HCN1: variants seen among roughly 807,000 people sequenced by gnomAD.
HCN1 encodes hyperpolarization activated cyclic nucleotide gated potassium channel 1.
HCN1 carries 13 observed loss-of-function variants against 78.9 expected under a neutral mutation model. That is an observed-to-expected ratio of 0.16 (90% CI 0.11 to 0.26). The LOEUF (loss-of-function observed/expected upper bound fraction) is 0.26. HCN1 is among the 10% of genes least tolerant of loss of function. HCN1 has a pLI of 1.00. For synonymous variants in HCN1, 552 were observed against 455.5 expected, an observed-to-expected ratio of 1.21 and a Z score of -2.70; for missense variants, 810 against 1,154.3, an observed-to-expected ratio of 0.70 and a Z score of 4.32.
intron 1 of HCN1, among the ~76,000 whole-genome samples, chr5:45,681,005 C>G (rs1739692210): frequency 1.3e-5 from 2 of 152,026 alleles, no homozygotes; most frequent in Non-Finnish European, 2.9e-5. Flanking sequence ...TCTGGTATGT[C>G]AAGTTTTTCC....
chr5:45,258,031 T>G lies in HCN1; in HGVS notation c.*3890A>C, dbSNP rs1480467211. 1 of 151,914 alleles carries G rather than the reference T, an allele frequency of 6.6e-6. No homozygotes were observed. The highest frequency in any genetic ancestry group is 1.5e-5 in the Non-Finnish European group (1 of 68,006). The allele number at this position is 151,914 out of a possible 1,614,324, so 9.4% of individuals were successfully genotyped here. On this transcript the variant is annotated 3_prime_UTR_variant, in exon 8 of 8. Transcript: ENST00000303230. ...CATATGAACAAAATAACCACATGGG[T>G]TTTATGGCACATGTTCTAAAAAGAT...
At chr5:45,514,335 T>C (rs1000041570) in intron 2 of HCN1, among the ~76,000 whole-genome samples, 1 of 152,144 alleles carries the variant, frequency 6.6e-6, no homozygotes, top group Non-Finnish European at 1.5e-5. Flanking sequence ...TCATCCCTTA[T>C]GTGAATCATG....
At chr5:45,334,610 A>G (rs532300820) in intron 5 of HCN1, among the ~76,000 whole-genome samples, 1 of 151,876 alleles carries the variant, frequency 6.6e-6, no homozygotes, top group South Asian at 2.1e-4. Flanking sequence ...ACATCTTACA[A>G]TTTACTTTCC....
chr5:45,323,671 C>T (rs994918319), intron 5 of HCN1, among the ~76,000 whole-genome samples: 1 of 151,768 alleles, frequency 6.6e-6, no homozygotes, highest in Non-Finnish European at 1.5e-5. Context: ...CCCATTAACT[C>T]GTCATTTAGC....
intron 5 of HCN1, among the ~76,000 whole-genome samples, chr5:45,322,248 AC>A (rs1456997823): frequency 1.3e-5 from 2 of 151,824 alleles, no homozygotes; most frequent in Non-Finnish European, 2.9e-5. Context: ...GCTGTCCTAA[AC>A]CCATTGAAAT....
At chr5:45,329,310 CT>C (rs1746300247) in intron 5 of HCN1, among the ~76,000 whole-genome samples, 1 of 151,482 alleles carries the variant, frequency 6.6e-6, no homozygotes, top group African/African-American at 2.4e-5. Flanking sequence ...CTTTCTGTGT[CT>C]GTCAATTTGC....
intron 6 of HCN1, among the ~76,000 whole-genome samples, chr5:45,282,090 AT>A (rs1393061907): frequency 5.9e-5 from 9 of 152,234 alleles, no homozygotes; most frequent in African/African-American, 1.9e-4. Context: ...ACTATCAAAT[AT>A]CATTAATAAA....
At chr5:45,466,620 T>C (rs1016964765) in intron 2 of HCN1, among the ~76,000 whole-genome samples, 2 of 151,388 alleles carry the variant, frequency 1.3e-5, no homozygotes, top group African/African-American at 2.5e-5. Flanking sequence ...CATACCATCC[T>C]GACACAAAAT....
chr5:45,459,429 T>A, intron 3 of HCN1, among the ~76,000 whole-genome samples: 1 of 142,882 alleles, frequency 7.0e-6, no homozygotes. Flanking sequence ...AAGAAGTGAA[T>A]TGCAAATTCT....
intron 2 of HCN1, among the ~76,000 whole-genome samples, chr5:45,571,996 T>C (rs1743846670): frequency 6.6e-6 from 1 of 152,164 alleles, no homozygotes; most frequent in Non-Finnish European, 1.5e-5. Context: ...TTTGAAAGCA[T>C]CCCATGTCCT....
At chr5:45,632,599 C>T (rs540304586) in intron 2 of HCN1, among the ~76,000 whole-genome samples, 1 of 151,910 alleles carries the variant, frequency 6.6e-6, no homozygotes, top group East Asian at 1.9e-4. Flanking sequence ...TTATCTAACC[C>T]GAAATTCTGG....
At chr5:45,472,627 A>AG (rs370278702) in intron 2 of HCN1, among the ~76,000 whole-genome samples, 1 of 24,052 alleles carries the variant, frequency 4.2e-5, no homozygotes, top group Non-Finnish European at 7.1e-5. Flanking sequence ...AAAGAAGGAA[A>AG]GGGGGGAGGG....
intron 4 of HCN1, among the ~76,000 whole-genome samples, chr5:45,380,257 C>A (rs1747778781): frequency 6.6e-6 from 1 of 152,042 alleles, no homozygotes; most frequent in African/African-American, 2.4e-5. Flanking sequence ...AAAGGCCAGG[C>A]AGCTCTCTGA....
At chr5:45,296,047 G>A (rs1423193312) in intron 6 of HCN1, among the ~76,000 whole-genome samples, 2 of 151,834 alleles carry the variant, frequency 1.3e-5, no homozygotes, top group African/African-American at 2.4e-5. Context: ...TGTGCTTCTG[G>A]TACCCTTGAG....
chr5:45,556,770 CTA>C (rs1743478618), intron 2 of HCN1, among the ~76,000 whole-genome samples: 2 of 152,112 alleles, frequency 1.3e-5, no homozygotes, highest in African/African-American at 4.8e-5. Context: ...TCTTTCCCCT[CTA>C]TGTTTCTTCT....
At chr5:45,474,790 G>C (rs968073989) in intron 2 of HCN1, among the ~76,000 whole-genome samples, 4 of 151,884 alleles carry the variant, frequency 2.6e-5, no homozygotes, top group African/African-American at 9.7e-5. Context: ...ATATAAACTT[G>C]TGGATGGGAA....
At chr5:45,270,824 G>C (rs917023526) in intron 6 of HCN1, among the ~76,000 whole-genome samples, 1 of 152,100 alleles carries the variant, frequency 6.6e-6, no homozygotes, top group Non-Finnish European at 1.5e-5. Context: ...GCTATTCTCA[G>C]TATGCACAGT....
intron 5 of HCN1, among the ~76,000 whole-genome samples, chr5:45,321,272 T>C (rs1425057857): frequency 1.3e-5 from 2 of 151,878 alleles, no homozygotes; most frequent in African/African-American, 4.8e-5. Flanking sequence ...GCTAGGTAGT[T>C]CGCATATTAT....
chr5:45,626,233 T>C (rs1284055988), intron 2 of HCN1, among the ~76,000 whole-genome samples: 3 of 152,204 alleles, frequency 2.0e-5, no homozygotes, highest in African/African-American at 7.2e-5. Context: ...TTAATTTCAA[T>C]TACAAATAAA....
Sources: gnomAD v4.1 joint callset for allele counts (sites outside exome capture counted in the v4.1 genomes callset) on GRCh38, gnomAD v4.1.1 for gene constraint, MANE v1.5 for transcripts, NCBI Gene and HGNC (gene_info 2026-07-23, HGNC 2026-07-21) for gene names.